Variants in CAMSAP1 observed in about 807,000 individuals in gnomAD.
CAMSAP1 encodes the protein calmodulin-regulated spectrin-associated protein 1.
Under a neutral mutation model 143.5 loss-of-function variants are expected in CAMSAP1, and 58 were observed. The observed-to-expected ratio is 0.40, with a 90% CI of 0.33 to 0.50. The LOEUF (loss-of-function observed/expected upper bound fraction) is 0.50, where lower values mean the gene tolerates loss of function less well. Among genes scored for constraint, CAMSAP1 ranks in the 20% least tolerant of loss-of-function variants. CAMSAP1 has a pLI of 0.45. For missense variants in CAMSAP1, 1,969 were observed against 2,115.7 expected (o/e 0.93, Z 1.36); for synonymous variants, 945 against 859.3 (o/e 1.10, Z -1.74).
intron 5 of CAMSAP1, among the ~76,000 whole-genome samples, chr9:135,855,947 T>G (rs371607510): frequency 0.013 from 2,019 of 151,032 alleles, 30 homozygotes; most frequent in African/African-American, 0.041. Context: ...AGCTACTCGG[T>G]AGGCTGAGGC....
chr9:135,823,265 AAC>A lies in CAMSAP1; in HGVS notation c.1401-7_1401-6del. 1 of 1,539,896 alleles carries A rather than the reference AAC, an allele frequency of 6.5e-7. No individual in the cohort carries two copies. The highest frequency in any genetic ancestry group is 8.7e-7 in the Non-Finnish European group (1 of 1,143,604). Reference sequence around the variant, plus strand: ...GGTGTTGGCTGGGACGCAGGCCTGAAACACAGGGAAGGCCCACTGGGTGCGCT... The same window carrying A: ...GGTGTTGGCTGGGACGCAGGCCTGAAACAGGGAAGGCCCACTGGGTGCGCT... On this transcript the variant is annotated splice_region_variant and splice_polypyrimidine_tract_variant and intron_variant, in intron 10 of 16. Coordinates refer to ENST00000389532, the MANE Select transcript of CAMSAP1 (RefSeq NM_015447.4).
intron 10 of CAMSAP1, among the ~76,000 whole-genome samples, 193 bp downstream of exon 10, chr9:135,823,757 C>T (rs1835571184): frequency 6.6e-6 from 1 of 152,112 alleles, no homozygotes; most frequent in African/African-American, 2.4e-5. Context: ...TGAAAAATCC[C>T]ACGGCACACT....
intron 1 of CAMSAP1, among the ~76,000 whole-genome samples, chr9:135,892,867 A>AAAAAAAAAAAAAAAAAAAG (rs1554800261): frequency 2.7e-5 from 4 of 147,750 alleles, no homozygotes; most frequent in African/African-American, 7.6e-5. Flanking sequence ...AAAAAAAAAA[A>AAAAAAAAAAAAAAAAAAAG]GAACTAATCA....
Position 135,810,729 on chromosome 9 carries a change from T to C in CAMSAP1, c.*580A>G, listed in dbSNP as rs1835016622. On this transcript the variant is annotated 3_prime_UTR_variant, in exon 17 of 17. Coordinates refer to ENST00000389532, the MANE Select transcript of CAMSAP1 (RefSeq NM_015447.4). ...TTTTTTCAGAAATCTTAGAATTGGA[T>C]ATAAATGTTGGCAGTAGACACAACC... is the stretch of plus-strand genomic sequence containing the variant. 1 of 152,734 alleles carries C rather than the reference T, an allele frequency of 6.5e-6. No homozygotes were observed. Among genetic ancestry groups the C allele is most frequent in the Non-Finnish European group, 1.5e-5 (1 of 68,120 alleles). The allele number at this position is 152,734 out of a possible 1,614,324, so 9.5% of individuals were successfully genotyped here.
At chr9:135,837,182 C>T (rs545173397) in intron 7 of CAMSAP1, among the ~76,000 whole-genome samples, 3 of 151,224 alleles carry the variant, frequency 2.0e-5, no homozygotes, top group South Asian at 4.2e-4. Flanking sequence ...CACATCATCA[C>T]GCACTTTCTA....
intron 7 of CAMSAP1, among the ~76,000 whole-genome samples, chr9:135,829,230 G>A (rs371188449): frequency 7.3e-5 from 11 of 151,572 alleles, no homozygotes; most frequent in South Asian, 2.1e-4. Context: ...GGCCAGGCAC[G>A]GTGGCCCATG....
chr9:135,845,174 A>G (rs755802348), intron 7 of CAMSAP1, among the ~76,000 whole-genome samples: 1 of 152,234 alleles, frequency 6.6e-6, no homozygotes, highest in African/African-American at 2.4e-5. Context: ...CACCACGATC[A>G]AGTTGGCTTC....
intron 1 of CAMSAP1, among the ~76,000 whole-genome samples, chr9:135,900,565 A>G (rs112833815): frequency 0.042 from 6,314 of 151,450 alleles, 438 homozygotes; most frequent in African/African-American, 0.14. Flanking sequence ...CGTTGTGGCA[A>G]GCGCCTGTAG....
At chr9:135,832,806 ATACT>A (rs972905509) in intron 7 of CAMSAP1, among the ~76,000 whole-genome samples, 3 of 152,338 alleles carry the variant, frequency 2.0e-5, no homozygotes, top group East Asian at 3.8e-4. Context: ...AAAAGAACAA[ATACT>A]TAGGAATAAA....
At chr9:135,868,664 C>G (rs1391632102) in intron 3 of CAMSAP1, among the ~76,000 whole-genome samples, 2 of 128,526 alleles carry the variant, frequency 1.6e-5, no homozygotes, top group Non-Finnish European at 3.1e-5. Flanking sequence ...GTCGCCCAGG[C>G]TGAAGTGCGG....
At chr9:135,884,529 T>C (rs374206929) in intron 1 of CAMSAP1, among the ~76,000 whole-genome samples, 9 of 152,216 alleles carry the variant, frequency 5.9e-5, no homozygotes, top group African/African-American at 2.2e-4. Flanking sequence ...GTTTTAAGCA[T>C]GGTTGTACAC....
At position 135,818,234 on chromosome 9, in the gene CAMSAP1, G is replaced by A. The variant is rs1835312846; in HGVS notation, c.4169-155C>T. ...GGGGAGCCGGGCTGCGCCTGGATGT[G>A]CCGCACATCTCAGAGCATCTGGTCT... On this transcript the variant is annotated intron_variant, in intron 13 of 16. Transcript: ENST00000389532. This position sits in a 1 kb window ranked among gnomAD's most constrained non-coding sequence, Gnocchi z 7.7. 1.8e-6 allele frequency: 2 copies of A among 1,105,094 alleles called. No homozygotes were observed. The highest frequency in any genetic ancestry group is 1.6e-5 in the South Asian group (1 of 64,154). The allele number at this position is 1,105,094 out of a possible 1,614,324, so 68.5% of individuals were successfully genotyped here.
At position 135,808,501 on chromosome 9, in the gene CAMSAP1, A is replaced by G. The variant is rs1834923727; in HGVS notation, c.*2808T>C. 6.6e-6 allele frequency: 1 copy of G among 152,258 alleles called. No individual in the cohort carries two copies. The highest frequency in any genetic ancestry group is 1.5e-5 in the Non-Finnish European group (1 of 68,048). 9.4% of individuals were successfully genotyped at this position (152,258 alleles called of 1,614,324 possible). ...TCTCCAAGTGATGAATTTTTAACAG[A>G]AAATTTTATTTCAATAAATATTTTG... On this transcript the variant is annotated 3_prime_UTR_variant, in exon 17 of 17. Transcript: ENST00000389532.
intron 8 of CAMSAP1, among the ~76,000 whole-genome samples, chr9:135,825,378 T>C (rs796311428): frequency 1.2e-4 from 19 of 152,324 alleles, no homozygotes; most frequent in African/African-American, 4.6e-4. Flanking sequence ...ATTCCCACAC[T>C]GCTGGTGGGA....
intron 15 of CAMSAP1, 50 bp downstream of exon 15, chr9:135,815,840 G>A (rs766685503): frequency 2.1e-6 from 3 of 1,447,348 alleles, no homozygotes; most frequent in South Asian, 1.2e-5. Flanking sequence ...GCCACGCAAA[G>A]GCGTATGGCC....
At chr9:135,861,173 A>T (rs1407811654) in intron 5 of CAMSAP1, among the ~76,000 whole-genome samples, 1 of 152,184 alleles carries the variant, frequency 6.6e-6, no homozygotes, top group African/African-American at 2.4e-5. Context: ...AGCTCCTGAC[A>T]GCACATAGGC....
intron 1 of CAMSAP1, among the ~76,000 whole-genome samples, chr9:135,889,758 G>T (rs1838230737): frequency 6.6e-6 from 1 of 152,166 alleles, no homozygotes; most frequent in Non-Finnish European, 1.5e-5. Context: ...CCGTGGGAGC[G>T]CATGGGATGG....
intron 7 of CAMSAP1, among the ~76,000 whole-genome samples, chr9:135,830,832 T>C (rs1289385903): frequency 6.6e-6 from 1 of 152,200 alleles, no homozygotes; most frequent in Non-Finnish European, 1.5e-5. Flanking sequence ...ATCAAAATCA[T>C]GTCATGTATC....
At position 135,890,724 on chromosome 9, in the gene CAMSAP1, A is replaced by C. The variant is rs187448947; in HGVS notation, c.161-7646T>G. Reference sequence around the variant, plus strand: ...TGTCTCCAAGGGACCGCTGGAAGCCAACGGAAACTCCCCCTGGGAAAAGAT... The same window carrying C: ...TGTCTCCAAGGGACCGCTGGAAGCCCACGGAAACTCCCCCTGGGAAAAGAT... On this transcript the variant is annotated intron_variant, in intron 1 of 16. Transcript: ENST00000389532. 1.7e-3 allele frequency among the ~76,000 whole-genome samples: 258 copies of C among 152,338 alleles called. 1 individual carries two copies. The highest frequency in any genetic ancestry group is 0.01 in the Middle Eastern group (3 of 294).
Sources: gnomAD v4.1 joint callset for allele counts (sites outside exome capture counted in the v4.1 genomes callset) on GRCh38, gnomAD v4.1.1 for gene constraint, Gnocchi (gnomAD v3.1) non-coding constraint, MANE v1.5 for transcripts, NCBI Gene and HGNC (gene_info 2026-07-23, HGNC 2026-07-21) for gene names.